PDE4D: variants seen among roughly 807,000 people sequenced by gnomAD.
PDE4D encodes the protein 3',5'-cyclic-AMP phosphodiesterase 4D.
PDE4D carries 24 observed loss-of-function variants against 87.4 expected under a neutral mutation model. The observed-to-expected ratio is 0.27, with a 90% confidence interval of 0.20 to 0.39. PDE4D has a LOEUF of 0.39. Among genes scored for constraint, PDE4D ranks in the 10% least tolerant of loss-of-function variants. The probability of loss-of-function intolerance (pLI) is 1.00; values close to 1 mark genes in which losing one functional copy is unlikely to be tolerated. For synonymous variants in PDE4D, 384 were observed against 383.2 expected (o/e 1.00, Z -0.02); for missense variants, 714 against 1,041.0 (o/e 0.69, Z 4.32).
chr5:59,282,643 C>CAAA (rs60262509), intron 1 of PDE4D, among the ~76,000 whole-genome samples: 201 of 38,470 alleles, frequency 5.2e-3, no homozygotes, highest in East Asian at 0.012. Context: ...AACTCCAGCT[C>CAAA]AAAAAAAAAA....
intron 6 of PDE4D, among the ~76,000 whole-genome samples, chr5:58,994,235 T>C (rs2153345760): frequency 6.6e-6 from 1 of 152,298 alleles, no homozygotes; most frequent in African/African-American, 2.4e-5. Context: ...ACAGTTTTTA[T>C]TACTGATGCC....
chr5:60,357,728 A>C (rs1759742171), intron 1 of PDE4D, among the ~76,000 whole-genome samples: 1 of 152,214 alleles, frequency 6.6e-6, no homozygotes, highest in African/African-American at 2.4e-5. Flanking sequence ...TCATAAGTGA[A>C]GTAGGATCCA....
chr5:58,982,294 C>T (rs1745367913), intron 11 of PDE4D, among the ~76,000 whole-genome samples: 1 of 152,178 alleles, frequency 6.6e-6, no homozygotes. Flanking sequence ...AACCTTGCCC[C>T]AGCCCTGCAA....
At chr5:59,695,333 C>T (rs1282738929) in intron 1 of PDE4D, among the ~76,000 whole-genome samples, 1 of 152,062 alleles carries the variant, frequency 6.6e-6, no homozygotes, top group South Asian at 2.1e-4. Flanking sequence ...ATTACAATTG[C>T]TTCCCCAAGG....
At chr5:59,596,344 A>G (rs1826680872) in intron 1 of PDE4D, among the ~76,000 whole-genome samples, 1 of 151,798 alleles carries the variant, frequency 6.6e-6, no homozygotes, top group African/African-American at 2.4e-5. Flanking sequence ...TACAAAAAAA[A>G]AAAGAAACAC....
At chr5:59,260,432 T>C (rs1208594896) in intron 1 of PDE4D, among the ~76,000 whole-genome samples, 1 of 151,866 alleles carries the variant, frequency 6.6e-6, no homozygotes, top group Non-Finnish European at 1.5e-5. Flanking sequence ...AGATTGCATG[T>C]GTAGTTACAT....
chr5:59,442,955 TA>T (rs1797860838), intron 1 of PDE4D, among the ~76,000 whole-genome samples: 1 of 152,110 alleles, frequency 6.6e-6, no homozygotes, highest in East Asian at 1.9e-4. Flanking sequence ...TATACAACAT[TA>T]AAAAGTCAAT....
At chr5:60,204,970 A>G (rs1036419940) in intron 1 of PDE4D, among the ~76,000 whole-genome samples, 3 of 152,240 alleles carry the variant, frequency 2.0e-5, no homozygotes, top group Non-Finnish European at 2.9e-5. Flanking sequence ...GTAAGCATCA[A>G]TAAGTGTTAG....
chr5:59,663,541 A>G (rs994085888), intron 1 of PDE4D, among the ~76,000 whole-genome samples: 3 of 152,192 alleles, frequency 2.0e-5, no homozygotes, highest in Non-Finnish European at 4.4e-5. Context: ...ATATTAAATA[A>G]TCATTTTATT....
At chr5:60,289,350 G>T (rs1195552715) in intron 1 of PDE4D, among the ~76,000 whole-genome samples, 1 of 152,124 alleles carries the variant, frequency 6.6e-6, no homozygotes, top group African/African-American at 2.4e-5. Context: ...AAATAAGCAT[G>T]ACATTTTGCC....
chr5:59,114,948 G>C (rs1373993379), intron 5 of PDE4D, among the ~76,000 whole-genome samples: 3 of 152,080 alleles, frequency 2.0e-5, no homozygotes, highest in Admixed American at 1.3e-4. Context: ...AAAATCAATA[G>C]AGATATGTGG....
chr5:59,316,377 T>A (rs576592373), intron 1 of PDE4D, among the ~76,000 whole-genome samples: 2 of 152,314 alleles, frequency 1.3e-5, no homozygotes, highest in Admixed American at 6.5e-5. Context: ...ACTTTTTTTT[T>A]AATGTTACAT....
At chr5:59,375,592 T>C (rs1225106518) in intron 1 of PDE4D, among the ~76,000 whole-genome samples, 1 of 152,134 alleles carries the variant, frequency 6.6e-6, no homozygotes, top group Non-Finnish European at 1.5e-5. Context: ...GATTCACAGC[T>C]GAATTCTACC....
At chr5:60,451,972 C>CA (rs1254809732) in intron 1 of PDE4D, among the ~76,000 whole-genome samples, 7 of 151,954 alleles carry the variant, frequency 4.6e-5, no homozygotes, top group African/African-American at 1.4e-4. Flanking sequence ...CCTGGACTCT[C>CA]AAAAAAACAG....
chr5:60,055,019 A>T (rs917308332), intron 2 of PDE4D, among the ~76,000 whole-genome samples: 3 of 151,894 alleles, frequency 2.0e-5, no homozygotes, highest in Non-Finnish European at 4.4e-5. Context: ...GAGAAGAAAT[A>T]AAAAAAAGGT....
intron 3 of PDE4D, among the ~76,000 whole-genome samples, chr5:59,931,978 G>T (rs1276545457): frequency 6.6e-6 from 1 of 152,186 alleles, no homozygotes; most frequent in African/African-American, 2.4e-5. Flanking sequence ...TGGGATTACA[G>T]GCCTGAGCCA....
At chr5:59,180,106 C>T (rs978561141) in intron 5 of PDE4D, among the ~76,000 whole-genome samples, 9 of 152,178 alleles carry the variant, frequency 5.9e-5, no homozygotes, top group Admixed American at 5.9e-4. Context: ...CCCTCCCAAA[C>T]TGAGTTTATT....
At chr5:60,351,791 T>TTATA (rs1759221303) in intron 1 of PDE4D, among the ~76,000 whole-genome samples, 1 of 132,854 alleles carries the variant, frequency 7.5e-6, no homozygotes, top group African/African-American at 4.0e-5. Flanking sequence ...TTTTATTTAT[T>TTATA]TATTTATTTA....
chr5:59,313,497 C>G (rs1231010044), intron 1 of PDE4D, among the ~76,000 whole-genome samples: 1 of 152,114 alleles, frequency 6.6e-6, no homozygotes, highest in African/African-American at 2.4e-5. Flanking sequence ...TTTAGAGATG[C>G]CCCACACTTA....
Sources: allele counts gnomAD v4.1 joint callset (sites outside exome capture counted in the v4.1 genomes callset), GRCh38; gene constraint gnomAD v4.1.1; transcripts MANE v1.5; gene names NCBI Gene and HGNC (gene_info 2026-07-23, HGNC 2026-07-21).